Variants in EHBP1 observed in about 807,000 individuals in gnomAD.
EHBP1 encodes the protein EH domain binding protein 1.
EHBP1 carries 55 observed loss-of-function variants against 144.0 expected under a neutral mutation model. The observed-to-expected ratio is 0.38, with a 90% CI of 0.31 to 0.48. EHBP1 has a LOEUF of 0.48. EHBP1 is among the 20% of genes least tolerant of loss of function. The probability of loss-of-function intolerance (pLI) is 0.98; values close to 1 mark genes in which losing one functional copy is unlikely to be tolerated. For synonymous variants in EHBP1, 469 were observed against 472.7 expected, an observed-to-expected ratio of 0.99 and a Z score of 0.10; for missense variants, 1,200 against 1,364.2, an observed-to-expected ratio of 0.88 and a Z score of 1.90.
At chr2:62,827,678 T>C (rs1234199419) in intron 6 of EHBP1, among the ~76,000 whole-genome samples, 2 of 152,138 alleles carry the variant, frequency 1.3e-5, no homozygotes, top group Admixed American at 6.5e-5. Context: ...TAACTTTTTT[T>C]TTTTTTTGAG....
intron 15 of EHBP1, among the ~76,000 whole-genome samples, chr2:62,980,639 G>A (rs943386636): frequency 1.3e-5 from 2 of 151,848 alleles, no homozygotes; most frequent in African/African-American, 2.4e-5. Context: ...TCCCCACACA[G>A]CTGTGTATCT....
At chr2:63,020,626 C>T (rs1259016856) in intron 19 of EHBP1, among the ~76,000 whole-genome samples, 1 of 151,866 alleles carries the variant, frequency 6.6e-6, no homozygotes, top group Non-Finnish European at 1.5e-5. Context: ...GTAGCTACTG[C>T]TATCAGTCAG....
At chr2:62,942,338 C>T (rs924456045) in intron 10 of EHBP1, among the ~76,000 whole-genome samples, 1 of 151,946 alleles carries the variant, frequency 6.6e-6, no homozygotes, top group African/African-American at 2.4e-5. Flanking sequence ...TATTTTTAAC[C>T]TAGTCAAAAA....
intron 10 of EHBP1, among the ~76,000 whole-genome samples, chr2:62,878,456 C>T (rs567820726): frequency 1.2e-4 from 19 of 152,254 alleles, no homozygotes; most frequent in South Asian, 2.1e-4. Flanking sequence ...TCCTCTCTAA[C>T]GCATTCTGTG....
At chr2:62,884,160 T>G (rs774689935) in intron 10 of EHBP1, among the ~76,000 whole-genome samples, 22 of 152,214 alleles carry the variant, frequency 1.4e-4, no homozygotes, top group Non-Finnish European at 2.6e-4. Flanking sequence ...GTAATAGTGA[T>G]TACATCTGAG....
At chr2:62,818,969 C>T (rs1223568854) in intron 5 of EHBP1, among the ~76,000 whole-genome samples, 2 of 152,104 alleles carry the variant, frequency 1.3e-5, no homozygotes, top group Admixed American at 1.3e-4. Context: ...TTTAAACTCA[C>T]TTAGGGAGTC....
chr2:62,778,431 C>G (rs1408790095), intron 5 of EHBP1, among the ~76,000 whole-genome samples: 3 of 151,678 alleles, frequency 2.0e-5, no homozygotes, highest in African/African-American at 7.3e-5. Flanking sequence ...GTAGACCCAA[C>G]TACTTGGGAG....
chr2:62,726,252 C>T (rs1390316826), intron 2 of EHBP1, among the ~76,000 whole-genome samples: 1 of 152,230 alleles, frequency 6.6e-6, no homozygotes, highest in African/African-American at 2.4e-5. Context: ...CTCGAGTGTC[C>T]ATTGTGGTGG....
At chr2:62,683,068 T>A (rs985576604) in intron 1 of EHBP1, among the ~76,000 whole-genome samples, 1 of 151,950 alleles carries the variant, frequency 6.6e-6, no homozygotes, top group African/African-American at 2.4e-5. Context: ...CAAAGGGAAT[T>A]TATTGGCTTA....
chr2:62,830,213 C>T (rs1473972227), intron 6 of EHBP1, among the ~76,000 whole-genome samples: 5 of 149,040 alleles, frequency 3.4e-5, no homozygotes, highest in Non-Finnish European at 7.4e-5. Context: ...TACACATATA[C>T]ACACACACAC....
intron 5 of EHBP1, among the ~76,000 whole-genome samples, chr2:62,800,770 A>G (rs1230646220): frequency 6.6e-6 from 1 of 152,260 alleles, no homozygotes; most frequent in Non-Finnish European, 1.5e-5. Context: ...ATGAAGACAC[A>G]AAACAATGTA....
intron 9 of EHBP1, among the ~76,000 whole-genome samples, chr2:62,870,341 A>G (rs1445143931): frequency 6.6e-6 from 1 of 152,232 alleles, no homozygotes; most frequent in African/African-American, 2.4e-5. Flanking sequence ...ACCACATCAA[A>G]TGAACAATAA....
At chr2:62,735,926 CT>C (rs997308240) in intron 2 of EHBP1, among the ~76,000 whole-genome samples, 2 of 151,758 alleles carry the variant, frequency 1.3e-5, no homozygotes, top group Non-Finnish European at 2.9e-5. Context: ...TTTCCTCTGG[CT>C]TTTTTCAGGA....
chr2:62,908,243 A>G (rs1302879688), intron 10 of EHBP1, among the ~76,000 whole-genome samples: 1 of 152,184 alleles, frequency 6.6e-6, no homozygotes, highest in Non-Finnish European at 1.5e-5. Flanking sequence ...CATAAAGTTC[A>G]TAATTTTCTT....
At chr2:62,848,584 T>C (rs2048461280) in intron 7 of EHBP1, among the ~76,000 whole-genome samples, 1 of 152,216 alleles carries the variant, frequency 6.6e-6, no homozygotes, top group African/African-American at 2.4e-5. Flanking sequence ...ATGAATGGAA[T>C]ACTACTCAGC....
intron 5 of EHBP1, among the ~76,000 whole-genome samples, chr2:62,780,371 A>C (rs2152410576): frequency 6.6e-6 from 1 of 152,224 alleles, no homozygotes; most frequent in Admixed American, 6.5e-5. Context: ...TCTGTAAATT[A>C]GGCGGGGTAT....
At chr2:62,896,717 A>G (rs762902171) in intron 10 of EHBP1, among the ~76,000 whole-genome samples, 1 of 150,574 alleles carries the variant, frequency 6.6e-6, no homozygotes, top group Non-Finnish European at 1.5e-5. Flanking sequence ...GCTAGACTCC[A>G]GGAATCCCTT....
intron 5 of EHBP1, among the ~76,000 whole-genome samples, chr2:62,801,398 T>A (rs2043975672): frequency 6.6e-6 from 1 of 152,240 alleles, no homozygotes; most frequent in Admixed American, 6.5e-5. Context: ...CCATCTATAC[T>A]GAAGTGTTGT....
intron 12 of EHBP1, among the ~76,000 whole-genome samples, chr2:62,944,762 G>C (rs189448677): frequency 3.6e-4 from 55 of 152,266 alleles, no homozygotes; most frequent in Middle Eastern, 3.4e-3. Context: ...TGTGGCCACA[G>C]GCTGACTTAT....
Sources: gnomAD v4.1 joint callset for allele counts (sites outside exome capture counted in the v4.1 genomes callset) on GRCh38, gnomAD v4.1.1 for gene constraint, MANE v1.5 for transcripts, NCBI Gene and HGNC (gene_info 2026-07-23, HGNC 2026-07-21) for gene names.